FGF14: variants seen among roughly 807,000 people sequenced by gnomAD.
FGF14 encodes fibroblast growth factor homologous factor 4.
FGF14 carries 5 observed loss-of-function variants against 25.5 expected under a neutral mutation model. The ratio of observed to expected loss-of-function variants is 0.20; its 90% CI spans 0.10 to 0.41. The LOEUF (loss-of-function observed/expected upper bound fraction) is 0.41, where lower values mean the gene tolerates loss of function less well. Among genes scored for constraint, FGF14 ranks in the 10% least tolerant of loss-of-function variants. The probability of loss-of-function intolerance (pLI) is 1.00; values close to 1 mark genes in which losing one functional copy is unlikely to be tolerated. For missense variants in FGF14, 222 were observed against 320.1 expected, an observed-to-expected ratio of 0.69 and a Z score of 2.34; for synonymous variants, 138 against 118.3, an observed-to-expected ratio of 1.17 and a Z score of -1.08.
At chr13:102,005,652 C>T (rs1054295920) in intron 1 of FGF14, among the ~76,000 whole-genome samples, 2 of 152,132 alleles carry the variant, frequency 1.3e-5, no homozygotes, top group African/African-American at 4.8e-5. Flanking sequence ...GGCTTCTCAG[C>T]ACCAATAAAA....
At chr13:102,037,569 A>T (rs575183349) in intron 1 of FGF14, among the ~76,000 whole-genome samples, 1 of 152,274 alleles carries the variant, frequency 6.6e-6, no homozygotes, top group South Asian at 2.1e-4. Context: ...TCCTGCCAAT[A>T]GGAGGAAATA....
chr13:101,833,865 T>C (rs1342891333), intron 3 of FGF14, among the ~76,000 whole-genome samples: 3 of 152,130 alleles, frequency 2.0e-5, no homozygotes, highest in East Asian at 1.9e-4. Flanking sequence ...TAAACTTACG[T>C]TGAATGCTGA....
At chr13:102,082,748 A>G (rs1025439558) in intron 1 of FGF14, among the ~76,000 whole-genome samples, 4 of 151,984 alleles carry the variant, frequency 2.6e-5, no homozygotes, top group Admixed American at 6.6e-5. Flanking sequence ...AGGTCAGGAG[A>G]TCGAGACCAT....
At chr13:102,203,125 C>G (rs952312104) in intron 1 of FGF14, among the ~76,000 whole-genome samples, 1 of 152,178 alleles carries the variant, frequency 6.6e-6, no homozygotes, top group South Asian at 2.1e-4. Flanking sequence ...TACTCCAGTT[C>G]GATGTTTTAT....
At chr13:101,744,053 A>C (rs548541588) in intron 3 of FGF14, among the ~76,000 whole-genome samples, 1 of 152,302 alleles carries the variant, frequency 6.6e-6, no homozygotes, top group African/African-American at 2.4e-5. Context: ...GCAACCCCTC[A>C]CCATGTTCCC....
intron 1 of FGF14, among the ~76,000 whole-genome samples, chr13:102,267,378 A>C (rs890235404): frequency 2.0e-5 from 3 of 152,200 alleles, no homozygotes; most frequent in African/African-American, 7.2e-5. Flanking sequence ...CCAATGACCA[A>C]TGCAGTGGAG....
At chr13:102,120,398 T>C (rs1034731669) in intron 1 of FGF14, among the ~76,000 whole-genome samples, 1 of 152,038 alleles carries the variant, frequency 6.6e-6, no homozygotes, top group Admixed American at 6.6e-5. Flanking sequence ...GCGTCATGAG[T>C]AGTGTTAAAT....
chr13:101,795,749 C>G (rs1307640353), intron 3 of FGF14, among the ~76,000 whole-genome samples: 1 of 152,134 alleles, frequency 6.6e-6, no homozygotes, highest in Non-Finnish European at 1.5e-5. Context: ...GATGCACACA[C>G]AATCACGGTA....
intron 3 of FGF14, among the ~76,000 whole-genome samples, chr13:101,841,090 C>T (rs976438421): frequency 1.3e-5 from 2 of 151,728 alleles, no homozygotes; most frequent in African/African-American, 2.4e-5. Flanking sequence ...TTGGTGTCCC[C>T]TTGGTATTTG....
chr13:102,254,446 G>T (rs1057467670), intron 1 of FGF14, among the ~76,000 whole-genome samples: 5 of 152,110 alleles, frequency 3.3e-5, no homozygotes, highest in Non-Finnish European at 7.4e-5. Context: ...GCTTCCAGGC[G>T]AGTCCAGGAG....
At chr13:101,750,130 T>A (rs774327665) in intron 3 of FGF14, among the ~76,000 whole-genome samples, 1 of 152,130 alleles carries the variant, frequency 6.6e-6, no homozygotes, top group Non-Finnish European at 1.5e-5. Flanking sequence ...TCCAGAACTG[T>A]GAGACATATA....
At chr13:101,923,607 CCTTT>C (rs1194193848) in intron 1 of FGF14, among the ~76,000 whole-genome samples, 1 of 151,922 alleles carries the variant, frequency 6.6e-6, no homozygotes, top group Non-Finnish European at 1.5e-5. Context: ...GTATTATTGA[CCTTT>C]ATTTTAGAAT....
intron 1 of FGF14, among the ~76,000 whole-genome samples, chr13:102,346,859 A>G (rs576998929): frequency 3.3e-5 from 5 of 152,342 alleles, no homozygotes; most frequent in African/African-American, 1.2e-4. Context: ...TTTTAGTATT[A>G]GTCAACAATA....
chr13:101,821,244 G>C (rs1036916763), intron 3 of FGF14, among the ~76,000 whole-genome samples: 1 of 152,116 alleles, frequency 6.6e-6, no homozygotes, highest in Non-Finnish European at 1.5e-5. Flanking sequence ...CACTGCGCCC[G>C]GCCCAAATTT....
intron 3 of FGF14, among the ~76,000 whole-genome samples, chr13:101,743,438 T>A (rs945407144): frequency 6.6e-6 from 1 of 152,192 alleles, no homozygotes; most frequent in African/African-American, 2.4e-5. Flanking sequence ...TTAATTTATT[T>A]ATTTTGCTTT....
upstream of FGF14, chr13:102,401,808 G>T: frequency 1.3e-6 from 1 of 792,930 alleles, no homozygotes; most frequent in South Asian, 1.5e-5. Flanking sequence ...ATCACCACCG[G>T]ATTATTACCA....
intron 1 of FGF14, among the ~76,000 whole-genome samples, chr13:102,286,532 G>A (rs2054107758): frequency 6.6e-6 from 1 of 152,158 alleles, no homozygotes. Context: ...CTATGTATAA[G>A]TATTGCTTAA....
At chr13:102,137,529 G>T (rs1045239840) in intron 1 of FGF14, among the ~76,000 whole-genome samples, 2 of 152,132 alleles carry the variant, frequency 1.3e-5, no homozygotes, top group African/African-American at 2.4e-5. Context: ...TCCCTACAAA[G>T]AAATGGACTT....
At chr13:101,896,027 T>C (rs921035432) in intron 1 of FGF14, among the ~76,000 whole-genome samples, 1 of 152,184 alleles carries the variant, frequency 6.6e-6, no homozygotes, top group Admixed American at 6.6e-5. Flanking sequence ...TACTTAACCA[T>C]AATTAAAATT....
Sources: gnomAD v4.1 joint callset for allele counts (sites outside exome capture counted in the v4.1 genomes callset) on GRCh38, gnomAD v4.1.1 for gene constraint, MANE v1.5 for transcripts, NCBI Gene and HGNC (gene_info 2026-07-23, HGNC 2026-07-21) for gene names.